The following RYK variants were observed in gnomAD, a reference collection of about 807,000 sequenced individuals.
The protein encoded by RYK is inactive tyrosine-protein kinase RYK.
RYK carries 21 observed loss-of-function variants against 70.2 expected under a neutral mutation model. That is an observed-to-expected ratio of 0.30 (90% CI 0.21 to 0.43). The LOEUF (loss-of-function observed/expected upper bound fraction) is 0.43. Ranked by LOEUF, RYK falls within the 20% of genes least tolerant of loss-of-function variation. The probability of loss-of-function intolerance (pLI) is 1.00; values close to 1 mark genes in which losing one functional copy is unlikely to be tolerated. For missense variants in RYK, 604 were observed against 753.3 expected (o/e 0.80, Z 2.32); for synonymous variants, 267 against 278.0 (o/e 0.96, Z 0.39).
chr3:134,199,392 C>A (rs968582163), intron 6 of RYK, among the ~76,000 whole-genome samples: 2 of 152,240 alleles, frequency 1.3e-5, no homozygotes, highest in African/African-American at 4.8e-5. Flanking sequence ...CAGTGCCTGG[C>A]ACACAGCAAG....
chr3:134,172,134 CAAAAT>C (rs1410024329), intron 13 of RYK, among the ~76,000 whole-genome samples: 1 of 151,998 alleles, frequency 6.6e-6, no homozygotes, highest in Non-Finnish European at 1.5e-5. Context: ...CAATAAATAA[CAAAAT>C]AAAAATTTTA....
intron 1 of RYK, among the ~76,000 whole-genome samples, chr3:134,244,978 G>C (rs1205151478): frequency 6.6e-6 from 1 of 151,298 alleles, no homozygotes; most frequent in African/African-American, 2.5e-5. Flanking sequence ...ACCAGGAAGA[G>C]GGCTCTCAGC....
chr3:134,221,123 T>G (rs1209355658), intron 2 of RYK, among the ~76,000 whole-genome samples: 1 of 151,838 alleles, frequency 6.6e-6, no homozygotes, highest in African/African-American at 2.4e-5. Context: ...AAAAGGGGAC[T>G]TTGAAGAAGT....
At chr3:134,186,344 G>A (rs1392068395) in intron 9 of RYK, among the ~76,000 whole-genome samples, 1 of 152,174 alleles carries the variant, frequency 6.6e-6, no homozygotes, top group Non-Finnish European at 1.5e-5. Context: ...TAAAGGCAAA[G>A]GTCAGTGCTT....
chr3:134,220,888 A>T (rs2014714352), intron 2 of RYK, among the ~76,000 whole-genome samples: 1 of 152,216 alleles, frequency 6.6e-6, no homozygotes. Context: ...TGGTGAAGGG[A>T]AGCATTGTTT....
intron 13 of RYK, 115 bp from the exon 14 acceptor site, chr3:134,159,488 C>A: frequency 2.0e-6 from 2 of 996,968 alleles, no homozygotes; most frequent in South Asian, 2.3e-5. Context: ...TTTGGAAAAG[C>A]GAAATGTTAT....
intron 9 of RYK, among the ~76,000 whole-genome samples, chr3:134,187,757 G>A (rs2013511151): frequency 1.4e-5 from 2 of 142,974 alleles, no homozygotes; most frequent in African/African-American, 5.2e-5. Context: ...GGGGGGTCTT[G>A]CTATATCGCC....
intron 13 of RYK, among the ~76,000 whole-genome samples, chr3:134,161,025 T>C (rs1227817705): frequency 6.6e-6 from 1 of 152,088 alleles, no homozygotes; most frequent in African/African-American, 2.4e-5. Context: ...GGAAAGAAAA[T>C]ATACCACATG....
chr3:134,237,739 C>T (rs2015229446), intron 1 of RYK, among the ~76,000 whole-genome samples: 1 of 152,126 alleles, frequency 6.6e-6, no homozygotes, highest in Admixed American at 6.5e-5. Flanking sequence ...TGTTAATGTC[C>T]CTCTCCTCAG....
chr3:134,159,448 C>T (rs1032135703), intron 13 of RYK, 75 bp from the exon 14 acceptor site: 8 of 1,413,718 alleles, frequency 5.7e-6, no homozygotes. Context: ...CAGCCAGCTA[C>T]AGGACAAAAA....
chr3:134,219,464 T>G (rs1014555460), intron 2 of RYK, among the ~76,000 whole-genome samples: 8 of 152,366 alleles, frequency 5.3e-5, no homozygotes, highest in African/African-American at 1.7e-4. Flanking sequence ...CATATCAGCA[T>G]TCTTTTTTCC....
intron 12 of RYK, 61 bp downstream of exon 12, chr3:134,175,869 A>G: frequency 1.3e-6 from 2 of 1,553,976 alleles, no homozygotes; most frequent in Admixed American, 1.7e-5. Flanking sequence ...TGACTCGCAG[A>G]GAACCCCAAA....
intron 1 of RYK, among the ~76,000 whole-genome samples, chr3:134,240,659 C>T (rs1465270610): frequency 6.6e-6 from 1 of 152,048 alleles, no homozygotes; most frequent in Non-Finnish European, 1.5e-5. Flanking sequence ...TGACATATAC[C>T]AGTTTTTGTG....
intron 8 of RYK, among the ~76,000 whole-genome samples, chr3:134,189,469 T>A (rs953024698): frequency 6.6e-6 from 1 of 151,926 alleles, no homozygotes; most frequent in Non-Finnish European, 1.5e-5. Flanking sequence ...TAAAAACTCT[T>A]AGAGTGAGAA....
chr3:134,218,487 G>A (rs1229507759), intron 2 of RYK, among the ~76,000 whole-genome samples: 1 of 152,224 alleles, frequency 6.6e-6, no homozygotes, highest in Non-Finnish European at 1.5e-5. Flanking sequence ...CACAGCTGGA[G>A]AAGAGGTGAC....
intron 2 of RYK, among the ~76,000 whole-genome samples, chr3:134,216,819 A>AAAAAAAAAAAAC: frequency 6.7e-6 from 1 of 148,898 alleles, no homozygotes; most frequent in Non-Finnish European, 1.5e-5. Flanking sequence ...AAAAAAAAAA[A>AAAAAAAAAAAAC]AAGCTACTGA....
At chr3:134,205,142 G>A (rs1373296648) in intron 5 of RYK, among the ~76,000 whole-genome samples, 1 of 152,100 alleles carries the variant, frequency 6.6e-6, no homozygotes, top group East Asian at 1.9e-4. Context: ...GCAGGTTGGG[G>A]ATGTGAAAAT....
At chr3:134,199,030 C>T (rs1239788089) in intron 6 of RYK, among the ~76,000 whole-genome samples, 3 of 152,274 alleles carry the variant, frequency 2.0e-5, no homozygotes, top group South Asian at 2.1e-4. Context: ...AGTAGAGACA[C>T]GCTGCAGACC....
chr3:134,173,478 G>A (rs1372718242), intron 13 of RYK, among the ~76,000 whole-genome samples: 7 of 152,152 alleles, frequency 4.6e-5, no homozygotes, highest in Non-Finnish European at 1.0e-4. Flanking sequence ...CAATGATGGA[G>A]AGGCCCCAGG....
Sources: gnomAD v4.1 joint callset for allele counts (sites outside exome capture counted in the v4.1 genomes callset) on GRCh38, gnomAD v4.1.1 for gene constraint, MANE v1.5 for transcripts, NCBI Gene and HGNC (gene_info 2026-07-23, HGNC 2026-07-21) for gene names.